RABGAP1L: variants seen among roughly 807,000 people sequenced by gnomAD.
RABGAP1L encodes rab GTPase-activating protein 1-like.
Under a neutral mutation model 137.7 loss-of-function variants are expected in RABGAP1L, and 63 were observed. The ratio of observed to expected loss-of-function variants is 0.46; its 90% CI spans 0.37 to 0.56. The LOEUF (loss-of-function observed/expected upper bound fraction) is 0.56. RABGAP1L is among the 20% of genes least tolerant of loss of function. The probability of loss-of-function intolerance (pLI) is 0.00; values close to 1 mark genes in which losing one functional copy is unlikely to be tolerated. For missense variants in RABGAP1L, 1,095 were observed against 1,244.0 expected (o/e 0.88, Z 1.80); for synonymous variants, 431 against 433.7 (o/e 0.99, Z 0.08).
intron 13 of RABGAP1L, among the ~76,000 whole-genome samples, chr1:174,418,626 G>A (rs978170234): frequency 2.0e-5 from 3 of 152,116 alleles, no homozygotes; most frequent in Admixed American, 2.0e-4. Context: ...TGCTTCAGGG[G>A]CACTATGATG....
At chr1:174,743,618 A>G (rs576511187) in intron 17 of RABGAP1L, among the ~76,000 whole-genome samples, 158 of 152,252 alleles carry the variant, frequency 1.0e-3, no homozygotes, top group African/African-American at 3.6e-3. Context: ...ACCTGAACAT[A>G]TACCTTTGAA....
chr1:174,935,790 TG>T (rs1218974503), intron 19 of RABGAP1L, among the ~76,000 whole-genome samples: 6 of 152,080 alleles, frequency 3.9e-5, no homozygotes, highest in Non-Finnish European at 8.8e-5. Flanking sequence ...GAGATCAGCC[TG>T]GGCAACACAG....
chr1:174,393,867 G>A (rs1430098872), intron 12 of RABGAP1L, 128 bp from the exon 13 acceptor site: 6 of 953,050 alleles, frequency 6.3e-6, no homozygotes, highest in Non-Finnish European at 7.7e-6. Context: ...ATTGTTTAAT[G>A]CCCCCCCACA....
intron 13 of RABGAP1L, among the ~76,000 whole-genome samples, chr1:174,424,490 C>T (rs1206232559): frequency 2.0e-5 from 3 of 151,926 alleles, no homozygotes; most frequent in African/African-American, 4.8e-5. Context: ...GGAACATTTT[C>T]GTCATATATA....
chr1:174,363,373 G>C (rs145006671), intron 11 of RABGAP1L, among the ~76,000 whole-genome samples: 1 of 152,308 alleles, frequency 6.6e-6, no homozygotes, highest in African/African-American at 2.4e-5. Context: ...ATTGCACTGG[G>C]CAGTTTGGCC....
At chr1:174,522,754 G>GCATGTCA (rs1663534500) in intron 13 of RABGAP1L, among the ~76,000 whole-genome samples, 1 of 152,170 alleles carries the variant, frequency 6.6e-6, no homozygotes. Flanking sequence ...AGGGGAGCAA[G>GCATGTCA]CATGTCACAT....
intron 11 of RABGAP1L, among the ~76,000 whole-genome samples, chr1:174,318,795 A>C (rs1242057835): frequency 6.6e-6 from 1 of 151,724 alleles, no homozygotes; most frequent in African/African-American, 2.4e-5. Context: ...CTTATGAAAA[A>C]CATCTTATAA....
chr1:174,311,606 C>A (rs1224885038), intron 11 of RABGAP1L, among the ~76,000 whole-genome samples: 2 of 152,048 alleles, frequency 1.3e-5, no homozygotes, highest in African/African-American at 4.8e-5. Flanking sequence ...ATGACTGGAT[C>A]TTTATTTTTA....
At chr1:174,804,172 G>A (rs917092984) in intron 18 of RABGAP1L, among the ~76,000 whole-genome samples, 3 of 151,966 alleles carry the variant, frequency 2.0e-5, no homozygotes, top group Non-Finnish European at 2.9e-5. Context: ...CTCTGTAAGT[G>A]TGTGATATTT....
At chr1:174,746,758 G>C (rs773760821) in intron 17 of RABGAP1L, among the ~76,000 whole-genome samples, 1 of 152,128 alleles carries the variant, frequency 6.6e-6, no homozygotes, top group Non-Finnish European at 1.5e-5. Flanking sequence ...ATTGGACTTA[G>C]GAAAGTTACT....
intron 13 of RABGAP1L, among the ~76,000 whole-genome samples, chr1:174,600,416 A>C (rs1670320884): frequency 6.6e-6 from 1 of 152,218 alleles, no homozygotes; most frequent in Non-Finnish European, 1.5e-5. Flanking sequence ...TTAACCCAAA[A>C]GTCCACAGTC....
At chr1:174,683,651 T>G (rs879184162) in intron 15 of RABGAP1L, 55 bp downstream of exon 15, 7 of 1,353,772 alleles carry the variant, frequency 5.2e-6, no homozygotes, top group South Asian at 1.2e-5. Flanking sequence ...TATTTTACTT[T>G]CTACTGGCTT....
At chr1:174,496,781 C>T (rs1055381972) in intron 13 of RABGAP1L, among the ~76,000 whole-genome samples, 3 of 152,076 alleles carry the variant, frequency 2.0e-5, no homozygotes, top group Non-Finnish European at 4.4e-5. Context: ...TAGAGAGATT[C>T]CTTAAAGAAG....
At chr1:174,534,551 C>T (rs1339876790) in intron 13 of RABGAP1L, among the ~76,000 whole-genome samples, 4 of 151,682 alleles carry the variant, frequency 2.6e-5, no homozygotes, top group East Asian at 1.9e-4. Flanking sequence ...CTGAGGTGGG[C>T]GGATCACTGG....
At chr1:174,936,694 C>G (rs2149275597) in intron 19 of RABGAP1L, among the ~76,000 whole-genome samples, 1 of 152,240 alleles carries the variant, frequency 6.6e-6, no homozygotes, top group East Asian at 1.9e-4. Context: ...AAAGTGCTCC[C>G]TAACACTAAC....
At chr1:174,890,648 G>A (rs60283543) in intron 19 of RABGAP1L, among the ~76,000 whole-genome samples, 17,677 of 151,854 alleles carry the variant, frequency 0.12, 3,439 homozygotes, top group African/African-American at 0.4. Context: ...AGTTTTAGTA[G>A]TTTTTTTTAG....
chr1:174,212,060 G>A (rs182318434), intron 1 of RABGAP1L, among the ~76,000 whole-genome samples: 6 of 152,134 alleles, frequency 3.9e-5, no homozygotes, highest in Admixed American at 1.3e-4. Context: ...TTTCAACATT[G>A]AACAGATCTT....
intron 13 of RABGAP1L, among the ~76,000 whole-genome samples, chr1:174,532,051 A>T (rs1483713930): frequency 6.6e-6 from 1 of 152,108 alleles, no homozygotes; most frequent in East Asian, 1.9e-4. Context: ...AAGACATAAG[A>T]TATAGAAATT....
intron 7 of RABGAP1L, among the ~76,000 whole-genome samples, chr1:174,254,076 T>C (rs1672923891): frequency 6.6e-6 from 1 of 151,890 alleles, no homozygotes; most frequent in Non-Finnish European, 1.5e-5. Context: ...GGAGAAGGTA[T>C]CTGGCCCCCA....
Sources: allele counts gnomAD v4.1 joint callset (sites outside exome capture counted in the v4.1 genomes callset), GRCh38; gene constraint gnomAD v4.1.1; transcripts MANE v1.5; gene names NCBI Gene and HGNC (gene_info 2026-07-23, HGNC 2026-07-21).